The following SSH1 variants were observed in gnomAD, a reference collection of about 807,000 sequenced individuals.
SSH1 encodes slingshot protein phosphatase 1.
SSH1 carries 43 observed loss-of-function variants against 79.7 expected under a neutral mutation model. The observed-to-expected ratio is 0.54, with a 90% CI of 0.42 to 0.70. The LOEUF (loss-of-function observed/expected upper bound fraction) is 0.70. SSH1 is among the 30% of genes least tolerant of loss of function. The pLI is 0.00. For synonymous variants in SSH1, 599 were observed against 538.3 expected (o/e 1.11, Z -1.56); for missense variants, 1,206 against 1,358.8 (o/e 0.89, Z 1.77).
chr12:108,794,240 C>A (rs933200812), intron 13 of SSH1, among the ~76,000 whole-genome samples: 2 of 152,208 alleles, frequency 1.3e-5, no homozygotes, highest in African/African-American at 4.8e-5. Flanking sequence ...GAAAGGGAAC[C>A]GGGAGAAAGT....
At chr12:108,800,250 C>A (rs920458096) in intron 12 of SSH1, among the ~76,000 whole-genome samples, 1 of 152,052 alleles carries the variant, frequency 6.6e-6, no homozygotes, top group African/African-American at 2.4e-5. Context: ...AAACCGCTGA[C>A]GGGCTCAGGG....
At chr12:108,830,888 T>C (rs1049377484) in intron 2 of SSH1, among the ~76,000 whole-genome samples, 18 of 152,048 alleles carry the variant, frequency 1.2e-4, no homozygotes, top group African/African-American at 4.3e-4. Flanking sequence ...CAAGCGATTG[T>C]TCCGCCTTGG....
chr12:108,849,874 G>C (rs1484191365), intron 2 of SSH1, among the ~76,000 whole-genome samples: 1 of 64,460 alleles, frequency 1.6e-5, no homozygotes, highest in African/African-American at 7.2e-5. Flanking sequence ...AGCTAGGGGA[G>C]GGCAGATGGG....
intron 2 of SSH1, among the ~76,000 whole-genome samples, chr12:108,837,738 T>C (rs1305030563): frequency 6.6e-6 from 1 of 152,098 alleles, no homozygotes; most frequent in African/African-American, 2.4e-5. Context: ...GTATTAATCA[T>C]TTGTATGTGT....
rs2036188770 is a variant in SSH1, at chr12:108,783,547, C to T, written c.*4441G>A. 1 of 152,244 alleles carries T rather than the reference C, an allele frequency of 6.6e-6. No individual in the cohort carries two copies. The highest frequency in any genetic ancestry group is 6.5e-5 in the Admixed American group (1 of 15,288). 9.4% of individuals were successfully genotyped at this position (152,244 alleles called of 1,614,324 possible). On this transcript the variant is annotated 3_prime_UTR_variant, in exon 15 of 15. Coordinates refer to ENST00000326495, the MANE Select transcript of SSH1 (RefSeq NM_018984.4). ...AGGACTGGTGATCTGCTTATCGGGACTCCTGTCTGAGACAGTGACTGAAGC... is the reference window on the plus strand; with the variant it reads ...AGGACTGGTGATCTGCTTATCGGGATTCCTGTCTGAGACAGTGACTGAAGC...
At chr12:108,819,103 A>G (rs926645529) in intron 3 of SSH1, among the ~76,000 whole-genome samples, 1 of 150,556 alleles carries the variant, frequency 6.6e-6, no homozygotes, top group Admixed American at 6.6e-5. Context: ...TTATTTCCAT[A>G]ACCGGGGGGG....
chr12:108,829,547 G>A (rs2038422993), intron 2 of SSH1, among the ~76,000 whole-genome samples: 1 of 152,176 alleles, frequency 6.6e-6, no homozygotes, highest in South Asian at 2.1e-4. Context: ...GGCAAAGACA[G>A]CCATCCTCTT....
At chr12:108,826,718 T>C (rs1348457581) in intron 2 of SSH1, among the ~76,000 whole-genome samples, 1 of 152,216 alleles carries the variant, frequency 6.6e-6, no homozygotes, top group African/African-American at 2.4e-5. Context: ...CTGCAGCTTC[T>C]GATGCCCAGA....
At chr12:108,823,569 A>G (rs1387150511) in intron 2 of SSH1, among the ~76,000 whole-genome samples, 2 of 152,214 alleles carry the variant, frequency 1.3e-5, no homozygotes, top group African/African-American at 4.8e-5. Flanking sequence ...TTCGTGACAA[A>G]ATAATGCTTC....
chr12:108,843,298 A>G (rs1442140638), intron 2 of SSH1, among the ~76,000 whole-genome samples: 2 of 152,132 alleles, frequency 1.3e-5, no homozygotes, highest in Admixed American at 1.3e-4. Flanking sequence ...TGTTTCCTGA[A>G]AGTCCAAGAC....
intron 2 of SSH1, among the ~76,000 whole-genome samples, chr12:108,851,376 T>C (rs960624041): frequency 6.6e-6 from 1 of 152,226 alleles, no homozygotes; most frequent in Admixed American, 6.5e-5. Context: ...CTGTCGGTAA[T>C]GAATGGTTGA....
chr12:108,800,666 G>A (rs2036955217), intron 12 of SSH1, 114 bp downstream of exon 12: 16 of 1,303,820 alleles, frequency 1.2e-5, no homozygotes, highest in Admixed American at 7.3e-5. Context: ...CTGGAGTCCC[G>A]TTAGGATCCC....
chr12:108,835,661 G>A lies in SSH1; in HGVS notation c.111-12300C>T, dbSNP rs542595289. On this transcript the variant is annotated intron_variant, in intron 2 of 14. Transcript: ENST00000326495. ...ATTCAGACCTAAAAACCATTTGGCG[G>A]GGAAGGGCAGGGCAAGCTTCTGAGT... 7.9e-5 allele frequency among the ~76,000 whole-genome samples: 12 copies of A among 151,974 alleles called. No homozygotes were observed. The South Asian group carries it at 2.5e-3, about 32-fold the overall frequency.
At chr12:108,809,653 A>G (rs1369886162) in intron 7 of SSH1, 40 bp downstream of exon 7, 2 of 1,562,192 alleles carry the variant, frequency 1.3e-6, no homozygotes, top group African/African-American at 1.4e-5. Flanking sequence ...GGCTAAGAAA[A>G]TATTTCTAGG....
intron 2 of SSH1, among the ~76,000 whole-genome samples, chr12:108,829,306 G>A (rs1009442735): frequency 3.3e-5 from 5 of 152,162 alleles, no homozygotes; most frequent in Non-Finnish European, 5.9e-5. Context: ...CAGCCTGGGC[G>A]ACAAAGTGAG....
chr12:108,789,296 G>A, intron 14 of SSH1, 52 bp from the exon 15 acceptor site: 1 of 1,551,410 alleles, frequency 6.4e-7, no homozygotes, highest in Non-Finnish European at 8.7e-7. Context: ...ATGAGCCAAA[G>A]ACCAAAAACA....
rs1274371260 is a variant in SSH1 at position 108,781,703 on chromosome 12, T to C, written c.*6285A>G. The C allele has an allele frequency of 6.6e-6, 1 of 152,236 alleles. No homozygotes were observed. The highest frequency in any genetic ancestry group is 2.4e-5 in the African/African-American group (1 of 41,454). 9.4% of individuals were successfully genotyped at this position (152,236 alleles called of 1,614,324 possible). A position where few individuals can be genotyped will look rare whatever the true frequency, so the allele number is the denominator to read the frequency against. ...GGCTGTTGCATTGGGACCCTGTGAC[T>C]GGGCCCTGCCCACTGGAAAGCAAGT... On this transcript the variant is annotated 3_prime_UTR_variant, in exon 15 of 15. Transcript: ENST00000326495.
intron 13 of SSH1, among the ~76,000 whole-genome samples, chr12:108,793,774 C>G (rs1162424477): frequency 6.6e-6 from 1 of 152,164 alleles, no homozygotes; most frequent in Non-Finnish European, 1.5e-5. Context: ...CCTCAAGGAC[C>G]TTAAAGTAAT....
At chr12:108,848,984 A>C (rs559045569) in intron 2 of SSH1, among the ~76,000 whole-genome samples, 1 of 152,288 alleles carries the variant, frequency 6.6e-6, no homozygotes, top group African/African-American at 2.4e-5. Flanking sequence ...GGACTTAGGC[A>C]TGCTCCCTCA....
Sources: gnomAD v4.1 joint callset for allele counts (sites outside exome capture counted in the v4.1 genomes callset) on GRCh38, gnomAD v4.1.1 for gene constraint, MANE v1.5 for transcripts, NCBI Gene and HGNC (gene_info 2026-07-23, HGNC 2026-07-21) for gene names.